The following PCDHGB4 variants were observed in gnomAD, a reference collection of about 807,000 sequenced individuals.
PCDHGB4 encodes the protein protocadherin gamma-B4.
Under a neutral mutation model 60.5 loss-of-function variants are expected in PCDHGB4, and 38 were observed. The ratio of observed to expected loss-of-function variants is 0.63; its 90% CI spans 0.48 to 0.82. PCDHGB4 has a LOEUF of 0.82. Ranked by LOEUF, PCDHGB4 falls within the 40% of genes least tolerant of loss-of-function variation. The pLI is 0.00. For missense variants in PCDHGB4, 1,109 were observed against 1,209.6 expected, an observed-to-expected ratio of 0.92 and a Z score of 1.23; for synonymous variants, 456 against 509.7, an observed-to-expected ratio of 0.89 and a Z score of 1.42.
rs371979686 is a variant in PCDHGB4, at chr5:141,389,081, G to C, written c.1197G>C (p.Thr399=). The C allele has an allele frequency of 1.2e-6, 2 of 1,613,978 alleles. No individual in the cohort carries two copies. Among genetic ancestry groups the C allele is most frequent in the Admixed American group, 1.7e-5 (1 of 60,034 alleles). The change falls in exon 1 of 4, where the codon ACG becomes ACC. Residue 399 remains threonine (T), a synonymous_variant. Coordinates refer to ENST00000519479, the MANE Select transcript of PCDHGB4 (RefSeq NM_003736.4). ...PFKILTSSRN[T]YKLVTDAVLD... is the part of the protein sequence containing the mutation. The stretch of plus-strand genomic sequence containing the variant: ...AAATATTAACTTCTTCAAGAAACAC[G>C]TATAAATTAGTGACAGATGCTGTTC...
chr5:141,408,378 T>C lies in PCDHGB4; in HGVS notation c.2397+18097T>C, dbSNP rs1369625426. 28 of 1,613,884 alleles carry C rather than the reference T, an allele frequency of 1.7e-5. No homozygotes were observed. The South Asian group carries it at 3.0e-4, about 17-fold the overall frequency. The stretch of plus-strand genomic sequence containing the variant: ...GCTAAGGATCTAGGGCTCAGTGTCC[T>C]GGATGTGTCGGCTCGCAAGCTGCGA... On this transcript the variant is annotated intron_variant, in intron 1 of 3. Transcript: ENST00000519479.
At chr5:141,504,986 AC>A (rs1225847397) in intron 2 of PCDHGB4, among the ~76,000 whole-genome samples, 4 of 151,936 alleles carry the variant, frequency 2.6e-5, no homozygotes, top group Non-Finnish European at 5.9e-5. Context: ...ACATGGTGAA[AC>A]CCCGTCTGTA....
chr5:141,395,147 G>T (rs906877951), intron 1 of PCDHGB4: 21 of 1,614,092 alleles, frequency 1.3e-5, no homozygotes, highest in Non-Finnish European at 1.8e-5. Context: ...ACGCAGACAT[G>T]CTCATCAGTC....
chr5:141,492,285 A>T (rs2099739112), intron 1 of PCDHGB4, among the ~76,000 whole-genome samples: 1 of 152,132 alleles, frequency 6.6e-6, no homozygotes, highest in African/African-American at 2.4e-5. Flanking sequence ...CGCCCCGCCA[A>T]CACGTGCGCG....
At chr5:141,430,115 A>G (rs930805574) in intron 1 of PCDHGB4, among the ~76,000 whole-genome samples, 1 of 152,194 alleles carries the variant, frequency 6.6e-6, no homozygotes, top group Non-Finnish European at 1.5e-5. Context: ...CATGTCAACA[A>G]CCTGGTAAAG....
At chr5:141,422,149 C>G in intron 1 of PCDHGB4, 1 of 1,577,238 alleles carries the variant, frequency 6.3e-7, no homozygotes. Context: ...ACGGGGGTCT[C>G]TGGATTTTGA....
rs374253072 is a variant in PCDHGB4, at chr5:141,476,894, G to A, written c.2398-17913G>A. ...GCGCGTCCTGGAGGATGCACCCTCCGGCACGCGCGTGGTACAAGTCCTTGC... is the reference window on the plus strand; with the variant it reads ...GCGCGTCCTGGAGGATGCACCCTCCAGCACGCGCGTGGTACAAGTCCTTGC... On this transcript the variant is annotated intron_variant, in intron 1 of 3. Transcript: ENST00000519479. The surrounding 1 kb of genome is among the most constrained non-coding windows in gnomAD (Gnocchi z 7.6). 48 of 1,613,834 alleles carry A rather than the reference G, an allele frequency of 3.0e-5. No homozygotes were observed. In the African/African-American group the frequency reaches 5.6e-4, roughly 19 times the overall value.
chr5:141,476,820 T>C lies in PCDHGB4; in HGVS notation c.2398-17987T>C, dbSNP rs368919360. 6.2e-7 allele frequency: 1 copy of C among 1,613,594 alleles called. No individual in the cohort carries two copies. Among genetic ancestry groups the C allele is most frequent in the African/African-American group, 1.3e-5 (1 of 75,066 alleles). The stretch of plus-strand genomic sequence containing the variant: ...AGCCTGCCTATTCACATCAAGGTGC[T>C]GGACGCGAATGACAATGCGCCTGTC... On this transcript the variant is annotated intron_variant, in intron 1 of 3. Transcript: ENST00000519479. This position sits in a 1 kb window ranked among gnomAD's most constrained non-coding sequence, Gnocchi z 7.6.
chr5:141,403,611 C>T lies in PCDHGB4; in HGVS notation c.2397+13330C>T. ...CTCACGGCCTCGGATGGCGGCGAGCCGCGTCGCTCCAGCACAGTGCGCATC... is the reference window on the plus strand; with the variant it reads ...CTCACGGCCTCGGATGGCGGCGAGCTGCGTCGCTCCAGCACAGTGCGCATC... On this transcript the variant is annotated intron_variant, in intron 1 of 3. Transcript: ENST00000519479. 6.2e-7 allele frequency: 1 copy of T among 1,613,860 alleles called. No homozygotes were observed.
intron 1 of PCDHGB4, among the ~76,000 whole-genome samples, chr5:141,433,766 G>A (rs2097649774): frequency 6.6e-6 from 1 of 151,888 alleles, no homozygotes; most frequent in South Asian, 2.1e-4. Flanking sequence ...TAACCTGGGA[G>A]GTGGAGGTTG....
At chr5:141,422,611 A>C in intron 1 of PCDHGB4, 3 of 1,613,762 alleles carry the variant, frequency 1.9e-6, no homozygotes, top group Non-Finnish European at 2.5e-6. Flanking sequence ...CTCTGCCTAC[A>C]TTCCCGAAAA....
chr5:141,426,797 C>A (rs1487716495), intron 1 of PCDHGB4: 1 of 456,706 alleles, frequency 2.2e-6, no homozygotes, highest in Non-Finnish European at 4.4e-6. Context: ...GTTACCAGCT[C>A]AGTTCTAATG....
rs750804901 is a variant in PCDHGB4, at chr5:141,476,422, C to T, written c.2398-18385C>T. ...GAGAGGAGCTGTGTGGGACACTGCC[C>T]TCTTGCACTGTAACTCTGGAGTTGG... On this transcript the variant is annotated intron_variant, in intron 1 of 3. Transcript: ENST00000519479. The surrounding 1 kb of genome is among the most constrained non-coding windows in gnomAD (Gnocchi z 7.6). The T allele has an allele frequency of 1.7e-5, 28 of 1,614,026 alleles. No homozygotes were observed. Among genetic ancestry groups the T allele is most frequent in the East Asian group, 2.2e-5 (1 of 44,860 alleles).
intron 1 of PCDHGB4, chr5:141,407,951 A>G (rs1256400393): frequency 1.7e-6 from 1 of 578,448 alleles, no homozygotes; most frequent in Non-Finnish European, 2.8e-6. Flanking sequence ...GCTGTCGGCC[A>G]GTGCAGAGCA....
chr5:141,430,661 GCT>G, intron 1 of PCDHGB4: 1 of 1,159,744 alleles, frequency 8.6e-7, no homozygotes, highest in South Asian at 2.1e-5. Flanking sequence ...CAACGGAGGA[GCT>G]CTGACTTCCC....
chr5:141,431,709 T>C lies in PCDHGB4; in HGVS notation c.2397+41428T>C. On this transcript the variant is annotated intron_variant, in intron 1 of 3. Coordinates refer to ENST00000519479, the MANE Select transcript of PCDHGB4 (RefSeq NM_003736.4). This position sits in a 1 kb window ranked among gnomAD's most constrained non-coding sequence, Gnocchi z 4.8. ...CACGAGGAGTCAGGATTCTACCAGA[T>C]GGAAGTGCAAGCAATGGATAATGCA... The C allele has an allele frequency of 6.2e-7, 1 of 1,614,168 alleles. No individual in the cohort carries two copies. Among genetic ancestry groups the C allele is most frequent in the Non-Finnish European group, 8.5e-7 (1 of 1,180,018 alleles).
chr5:141,419,694 G>T, intron 1 of PCDHGB4: 2 of 1,612,974 alleles, frequency 1.2e-6, no homozygotes, highest in South Asian at 1.1e-5. Context: ...GTGCAGGCCA[G>T]TGAGCCCGGG....
chr5:141,395,547 TGTGTGTGTG>T (rs754815609), intron 1 of PCDHGB4: 25,854 of 174,180 alleles, frequency 0.15, 2,316 homozygotes, highest in South Asian at 0.18. Flanking sequence ...ATTGTTTGTG[TGTGTGTGTG>T]TGTGTGTGTG....
chr5:141,433,328 G>C, intron 1 of PCDHGB4: 1 of 724,580 alleles, frequency 1.4e-6, no homozygotes, highest in Non-Finnish European at 2.3e-6. Context: ...GGTGTAACAG[G>C]GACTACAGGT....
Sources: allele counts gnomAD v4.1 joint callset (sites outside exome capture counted in the v4.1 genomes callset), GRCh38; gene constraint gnomAD v4.1.1; non-coding constraint Gnocchi (gnomAD v3.1); transcripts MANE v1.5; gene names NCBI Gene and HGNC (gene_info 2026-07-23, HGNC 2026-07-21).